The following EMP1 variants were observed in gnomAD, a reference collection of about 807,000 sequenced individuals.
EMP1 encodes the protein tumor-associated membrane protein.
A neutral mutation model predicts 15.7 loss-of-function variants in EMP1; 5 were observed. That is an observed-to-expected ratio of 0.32 (90% CI 0.17 to 0.67). The LOEUF is 0.67. EMP1 is among the 30% of genes least tolerant of loss of function. The pLI is 0.74. For synonymous variants in EMP1, 78 were observed against 76.7 expected (o/e 1.02, Z -0.09); for missense variants, 166 against 194.2 (o/e 0.85, Z 0.86).
Position 13,213,511 on chromosome 12 carries a change from A to G in EMP1, c.111A>G (p.Ser37=), listed in dbSNP as rs1350777491. Residue 37 remains serine, a synonymous_variant, in exon 3 of 5, where the codon TCA becomes TCG. Coordinates refer to ENST00000256951, the MANE Select transcript of EMP1 (RefSeq NM_001423.3). ...TGGTTTCCAATACGGTAGATGCATCAGTAGGTCTTTGGAAAAACTGTACCA... is the reference window on the plus strand; with the variant it reads ...TGGTTTCCAATACGGTAGATGCATCGGTAGGTCTTTGGAAAAACTGTACCA... ...VWLVSNTVDA[S]VGLWKNCTNI... is the part of the protein sequence containing the mutation. 2 of 1,614,112 alleles carry G rather than the reference A, an allele frequency of 1.2e-6. No individual in the cohort carries two copies. Among genetic ancestry groups the G allele is most frequent in the Non-Finnish European group, 1.7e-6 (2 of 1,180,048 alleles).
Position 13,214,715 on chromosome 12 carries a change from TG to T in EMP1, c.*30del, listed in dbSNP as rs1272553698. The T allele has an allele frequency of 2.0e-6, 3 of 1,535,292 alleles. No homozygotes were observed. The highest frequency in any genetic ancestry group is 2.6e-5 in the East Asian group (1 of 38,908). On this transcript the variant is annotated 3_prime_UTR_variant, in exon 5 of 5. Coordinates refer to ENST00000256951, the MANE Select transcript of EMP1 (RefSeq NM_001423.3). ...AAGGCCGGACGAGTTCATGGGGATC[TG>T]GGGGGTGGGGAGGAGGAAGCCGTTG...
Position 13,202,379 on chromosome 12 carries a change from G to A in EMP1, c.-43+5507G>A, listed in dbSNP as rs370627885. On this transcript the variant is annotated intron_variant, in intron 1 of 4. Coordinates refer to ENST00000256951, the MANE Select transcript of EMP1 (RefSeq NM_001423.3). ...TTCTCCTCTTCCAGGTCAGATCAGA[G>A]CTGAGAGCAAAACGGGGTTCTTGAT... Among the ~76,000 whole-genome samples the A allele has an allele frequency of 3.3e-5, 5 of 152,310 alleles. No homozygotes were observed. The East Asian group carries it at 5.8e-4, about 18-fold the overall frequency.
rs1864019477 is a variant in EMP1 at position 13,196,847 on chromosome 12, G to A, written c.-68G>A. 1 of 152,294 alleles carries A rather than the reference G, an allele frequency of 6.6e-6. No individual in the cohort carries two copies. The highest frequency in any genetic ancestry group is 2.1e-4 in the South Asian group (1 of 4,822). The allele number at this position is 152,294 out of a possible 1,614,324, so 9.4% of individuals were successfully genotyped here. On this transcript the variant is annotated 5_prime_UTR_variant, in exon 1 of 5. Transcript: ENST00000256951. ...CTGCTGCCAGCACCTGCCACTCAGAGCGCCTCTGTCGCTGGGACCCTTCAG... is the reference window on the plus strand; with the variant it reads ...CTGCTGCCAGCACCTGCCACTCAGAACGCCTCTGTCGCTGGGACCCTTCAG...
At chr12:13,205,223 TAGAG>T (rs1377170912) in intron 1 of EMP1, among the ~76,000 whole-genome samples, 2 of 152,202 alleles carry the variant, frequency 1.3e-5, no homozygotes, top group Non-Finnish European at 2.9e-5. Context: ...TTCAAAGAAG[TAGAG>T]AGAAAGATTA....
chr12:13,197,003 A>G (rs182014500), intron 1 of EMP1, 131 bp downstream of exon 1: 5 of 152,294 alleles, frequency 3.3e-5, no homozygotes, highest in Admixed American at 3.3e-4. Context: ...ATGATCCTCT[A>G]AGAACCAAGT....
intron 1 of EMP1, among the ~76,000 whole-genome samples, chr12:13,206,741 TC>T (rs1864113670): frequency 6.6e-6 from 1 of 152,194 alleles, no homozygotes; most frequent in African/African-American, 2.4e-5. Flanking sequence ...TCCCTTCTGG[TC>T]CTTAGAAGTC....
rs1328087563 is a variant in EMP1, at chr12:13,211,558, T to C, written c.48T>C (p.Val16=). ...AGIFVVHIAT[V]IMLFVSTIAN... ...TCTTTGTGGTCCACATCGCTACTGT[T>C]ATTATGCTATTTGTTAGCACCATTG... The change falls in exon 2 of 5, where the codon GTT becomes GTC. Residue 16 remains valine, a synonymous_variant. Coordinates refer to ENST00000256951, the MANE Select transcript of EMP1 (RefSeq NM_001423.3). This position sits in a 1 kb window ranked among gnomAD's most constrained non-coding sequence, Gnocchi z 4.7. The C allele has an allele frequency of 1.9e-6, 3 of 1,614,192 alleles. No homozygotes were observed. Among genetic ancestry groups the C allele is most frequent in the East Asian group, 4.5e-5 (2 of 44,890 alleles).
chr12:13,215,864 A>G lies in EMP1; in HGVS notation c.*1173A>G, dbSNP rs1864210445. 6.4e-6 allele frequency: 1 copy of G among 155,708 alleles called. No individual in the cohort carries two copies. The highest frequency in any genetic ancestry group is 2.0e-4 in the South Asian group (1 of 5,108). 9.6% of individuals were successfully genotyped at this position (155,708 alleles called of 1,614,324 possible). A position where few individuals can be genotyped will look rare whatever the true frequency, so the allele number is the denominator to read the frequency against. On this transcript the variant is annotated 3_prime_UTR_variant, in exon 5 of 5. Coordinates refer to ENST00000256951, the MANE Select transcript of EMP1 (RefSeq NM_001423.3). ...CAGGCCCTTGGGTGAAAGGTGCTAT[A>G]TAATTGTGAAGTATTAAGCCTACCG... is the stretch of plus-strand genomic sequence containing the variant.
At chr12:13,207,153 C>T (rs958589642) in intron 1 of EMP1, among the ~76,000 whole-genome samples, 14 of 151,938 alleles carry the variant, frequency 9.2e-5, no homozygotes, top group Non-Finnish European at 1.8e-4. Flanking sequence ...GCTCTGTTGC[C>T]CAGGCTGGAG....
rs1212331510 is a variant in EMP1, at chr12:13,219,317, T to G, written c.*4626T>G. 1.3e-5 allele frequency: 2 copies of G among 152,242 alleles called. No individual in the cohort carries two copies. The highest frequency in any genetic ancestry group is 4.8e-5 in the African/African-American group (2 of 41,444). The allele number at this position is 152,242 out of a possible 1,614,324, so 9.4% of individuals were successfully genotyped here. On this transcript the variant is annotated 3_prime_UTR_variant, in exon 5 of 5. Transcript: ENST00000256951. ...CTGCTGATCTATTGGCAACTCCAGTTCCCAATAAGTTCCTCATCTCCTTCT... is the reference window on the plus strand; with the variant it reads ...CTGCTGATCTATTGGCAACTCCAGTGCCCAATAAGTTCCTCATCTCCTTCT...
rs1273346853 is a variant in EMP1 at position 13,211,827 on chromosome 12, T to C, written c.78+239T>C. The C allele has an allele frequency of 1.9e-6, 1 of 525,946 alleles. No homozygotes were observed. Among genetic ancestry groups the C allele is most frequent in the African/African-American group, 1.9e-5 (1 of 52,076 alleles). The allele number at this position is 525,946 out of a possible 1,614,324, so 32.6% of individuals were successfully genotyped here. A position where few individuals can be genotyped will look rare whatever the true frequency, so the allele number is the denominator to read the frequency against. ...GGTGGTTAAGGGCTGGAGGATCTAG[T>C]GCAGCTTCTTCGGTCTCTAGAAGAG... On this transcript the variant is annotated intron_variant, in intron 2 of 4. Coordinates refer to ENST00000256951, the MANE Select transcript of EMP1 (RefSeq NM_001423.3). The surrounding 1 kb of genome is among the most constrained non-coding windows in gnomAD (Gnocchi z 4.7).
At chr12:13,204,143 C>G (rs999622956) in intron 1 of EMP1, among the ~76,000 whole-genome samples, 1 of 152,186 alleles carries the variant, frequency 6.6e-6, no homozygotes, top group Non-Finnish European at 1.5e-5. Context: ...TTTCCAACAT[C>G]AAGTCCTACC....
chr12:13,203,472 AAGAG>A (rs1454387044), intron 1 of EMP1, among the ~76,000 whole-genome samples: 1 of 152,244 alleles, frequency 6.6e-6, no homozygotes, highest in Non-Finnish European at 1.5e-5. Flanking sequence ...AAGCGGAAAT[AAGAG>A]AGAGAGGTTA....
intron 1 of EMP1, among the ~76,000 whole-genome samples, chr12:13,206,679 T>C (rs796348801): frequency 4.6e-5 from 7 of 152,336 alleles, no homozygotes; most frequent in African/African-American, 1.7e-4. Context: ...AGGAAGAAGT[T>C]ATCTGACTCC....
chr12:13,219,783 G>T lies in EMP1; in HGVS notation c.*5092G>T, dbSNP rs905794054. ...TTTGAGCTCTTCCCAATATAGGAAT[G>T]TGTTAGTTCTAAAAATTTTCTTAAG... On this transcript the variant is annotated 3_prime_UTR_variant, in exon 5 of 5. Coordinates refer to ENST00000256951, the MANE Select transcript of EMP1 (RefSeq NM_001423.3). 7.2e-5 allele frequency: 11 copies of T among 152,182 alleles called. No individual in the cohort carries two copies. The allele number at this position is 152,182 out of a possible 1,614,324, so 9.4% of individuals were successfully genotyped here.
At position 13,204,646 on chromosome 12, in the gene EMP1, G is replaced by T. The variant is rs1864095284; in HGVS notation, c.-42-6823G>T. On this transcript the variant is annotated intron_variant, in intron 1 of 4. Coordinates refer to ENST00000256951, the MANE Select transcript of EMP1 (RefSeq NM_001423.3). ...GGTGTCACGCTGAGGAAGGTGGTGT[G>T]GGGTCGTCTGACTCATGGGGGTCAG... 2.6e-5 allele frequency among the ~76,000 whole-genome samples: 4 copies of T among 152,218 alleles called. No individual in the cohort carries two copies. In the South Asian group the frequency reaches 8.3e-4, roughly 32 times the overall value.
chr12:13,216,092 T>C lies in EMP1; in HGVS notation c.*1401T>C. ...TACAGGACTTAGAAGTAGTATGTTA[T>C]TCCTGGTTAAGCAGGCATTGCTTTG... On this transcript the variant is annotated 3_prime_UTR_variant, in exon 5 of 5. Coordinates refer to ENST00000256951, the MANE Select transcript of EMP1 (RefSeq NM_001423.3). The C allele has an allele frequency of 2.8e-6, 1 of 353,572 alleles. No homozygotes were observed. Among genetic ancestry groups the C allele is most frequent in the Non-Finnish European group, 5.2e-6 (1 of 192,512 alleles). 21.9% of individuals were successfully genotyped at this position (353,572 alleles called of 1,614,324 possible).
intron 1 of EMP1, among the ~76,000 whole-genome samples, chr12:13,207,606 C>T (rs1055802789): frequency 1.3e-5 from 2 of 152,130 alleles, no homozygotes; most frequent in African/African-American, 2.4e-5. Context: ...TGTGTGGCTC[C>T]GAGGTGCTGA....
chr12:13,200,484 T>C (rs934999766), intron 1 of EMP1, among the ~76,000 whole-genome samples: 2 of 152,222 alleles, frequency 1.3e-5, no homozygotes, highest in African/African-American at 4.8e-5. Context: ...CCTTTTCTAA[T>C]ACTCTTCCCA....
Sources: allele counts gnomAD v4.1 joint callset (sites outside exome capture counted in the v4.1 genomes callset), GRCh38; gene constraint gnomAD v4.1.1; non-coding constraint Gnocchi (gnomAD v3.1); transcripts MANE v1.5; gene names NCBI Gene and HGNC (gene_info 2026-07-23, HGNC 2026-07-21).